The following MTBP variants were observed in gnomAD, a reference collection of about 807,000 sequenced individuals.
MTBP encodes mdm2-binding protein.
In MTBP, 101 loss-of-function variants were observed where a neutral mutation model predicts 117.0. The observed-to-expected ratio is 0.86, with a 90% CI of 0.73 to 1.02. The LOEUF (loss-of-function observed/expected upper bound fraction) is 1.02. MTBP is among the 50% of genes least tolerant of loss of function. The pLI is 0.00. For synonymous variants in MTBP, 350 were observed against 351.5 expected (o/e 1.00, Z 0.05); for missense variants, 970 against 1,030.9 (o/e 0.94, Z 0.81).
chr8:120,474,324 C>T (rs1237037390), intron 11 of MTBP, among the ~76,000 whole-genome samples: 1 of 151,916 alleles, frequency 6.6e-6, no homozygotes, highest in African/African-American at 2.4e-5. Flanking sequence ...TTATTCAGTT[C>T]TATTCTACCC....
At chr8:120,505,344 G>C (rs922216816) in intron 15 of MTBP, among the ~76,000 whole-genome samples, 1 of 151,990 alleles carries the variant, frequency 6.6e-6, no homozygotes, top group East Asian at 1.9e-4. Flanking sequence ...AAATTACAGG[G>C]GCTTTATTCT....
chr8:120,493,540 G>C (rs531074268), intron 13 of MTBP, among the ~76,000 whole-genome samples: 18 of 151,772 alleles, frequency 1.2e-4, no homozygotes, highest in African/African-American at 4.4e-4. Context: ...ACCCAGGCTG[G>C]AGTGCAGTGG....
rs529368940 is a variant in MTBP at position 120,503,954 on chromosome 8, C to T, written c.1727+1345C>T. ...GATGGGTGGAAACTTAGGGTGAGGACAGCTTTGGGGAGAAAAAGTCAAGAA... is the reference window on the plus strand; with the variant it reads ...GATGGGTGGAAACTTAGGGTGAGGATAGCTTTGGGGAGAAAAAGTCAAGAA... On this transcript the variant is annotated intron_variant, in intron 15 of 21. Transcript: ENST00000305949. Among the ~76,000 whole-genome samples the T allele has an allele frequency of 5.3e-5, 8 of 152,124 alleles. No individual in the cohort carries two copies. The South Asian group carries it at 1.7e-3, about 32-fold the overall frequency.
intron 1 of MTBP, 70 bp from the exon 2 acceptor site, chr8:120,446,362 TG>T: frequency 1.1e-6 from 1 of 893,520 alleles, no homozygotes; most frequent in South Asian, 1.3e-5. Flanking sequence ...GAGTCTCTGA[TG>T]GTGAAATTGG....
At chr8:120,514,373 C>T (rs1174176347) in intron 17 of MTBP, among the ~76,000 whole-genome samples, 4 of 152,026 alleles carry the variant, frequency 2.6e-5, no homozygotes, top group Non-Finnish European at 5.9e-5. Flanking sequence ...CCATAACCTT[C>T]CCCATCCCCA....
intron 1 of MTBP, 40 bp from the exon 2 acceptor site, chr8:120,446,393 A>G (rs1813227375): frequency 9.7e-6 from 12 of 1,243,060 alleles, no homozygotes; most frequent in Non-Finnish European, 1.4e-5. Context: ...GATTATGTAA[A>G]TCTAGAGCCC....
intron 11 of MTBP, chr8:120,473,651 A>C (rs899012591): frequency 4.6e-5 from 7 of 152,160 alleles, no homozygotes; most frequent in African/African-American, 1.7e-4. Flanking sequence ...AGACATTATT[A>C]CTGTAACTTA....
rs1814255841 is a variant in MTBP at position 120,488,073 on chromosome 8, A to T, written c.1166-86A>T. 3 of 1,123,562 alleles carry T rather than the reference A, an allele frequency of 2.7e-6. No homozygotes were observed. The South Asian group carries it at 5.8e-5, about 22-fold the overall frequency. The allele number at this position is 1,123,562 out of a possible 1,614,324, so 69.6% of individuals were successfully genotyped here. A position where few individuals can be genotyped will look rare whatever the true frequency, so the allele number is the denominator to read the frequency against. ...TTGTTTTAAAATAACAAAAAATTTTATTATATCCTATGGATCAAATGTATG... is the reference window on the plus strand; with the variant it reads ...TTGTTTTAAAATAACAAAAAATTTTTTTATATCCTATGGATCAAATGTATG... On this transcript the variant is annotated intron_variant, in intron 11 of 21. Coordinates refer to ENST00000305949, the MANE Select transcript of MTBP (RefSeq NM_022045.5).
chr8:120,487,294 G>A (rs890405234), intron 11 of MTBP, among the ~76,000 whole-genome samples: 9 of 152,242 alleles, frequency 5.9e-5, no homozygotes, highest in South Asian at 2.1e-4. Context: ...TCTTGAGGAC[G>A]CGTGTATAAA....
intron 10 of MTBP, among the ~76,000 whole-genome samples, chr8:120,467,014 T>C (rs1813710800): frequency 6.6e-6 from 1 of 152,236 alleles, no homozygotes; most frequent in Non-Finnish European, 1.5e-5. Flanking sequence ...CTCAAGAAAC[T>C]TTCATGGTGC....
intron 4 of MTBP, chr8:120,452,871 C>T (rs1717522254): frequency 1.3e-5 from 2 of 149,768 alleles, no homozygotes; most frequent in Admixed American, 6.7e-5. Context: ...ATAAAAGTTT[C>T]TGATAAGTGA....
chr8:120,459,637 G>A (rs1190052547), intron 8 of MTBP, among the ~76,000 whole-genome samples: 1 of 152,118 alleles, frequency 6.6e-6, no homozygotes, highest in East Asian at 1.9e-4. Context: ...ACTCAGTTTG[G>A]AGAGAATATG....
Position 120,490,544 on chromosome 8 carries a change from A to G in MTBP, c.1421A>G (p.Gln474Arg). Residue 474 changes from glutamine to arginine, a missense_variant, in exon 13 of 22, where the codon CAA (glutamine) becomes CGA (arginine). Coordinates refer to ENST00000305949, the MANE Select transcript of MTBP (RefSeq NM_022045.5). ...AGAGAGAAACAGTTAGCTAATGTTC[A>G]AGTTTTAGCTTTGGAAGAATGCCTA... is the stretch of plus-strand genomic sequence containing the variant. ...VQREKQLANV[Q>R]VLALEECLKR... is the part of the protein sequence containing the mutation. 1 of 1,604,760 alleles carries G rather than the reference A, an allele frequency of 6.2e-7. No homozygotes were observed. Among genetic ancestry groups the G allele is most frequent in the Non-Finnish European group, 8.5e-7 (1 of 1,176,780 alleles).
chr8:120,502,791 C>T (rs561672020), intron 15 of MTBP, among the ~76,000 whole-genome samples, 182 bp downstream of exon 15: 56 of 152,304 alleles, frequency 3.7e-4, no homozygotes, highest in African/African-American at 1.3e-3. Context: ...GGGAAGGGCT[C>T]ATCTTGCTCT....
At chr8:120,511,921 C>T (rs1011863334) in intron 17 of MTBP, among the ~76,000 whole-genome samples, 4 of 152,066 alleles carry the variant, frequency 2.6e-5, no homozygotes, top group African/African-American at 4.8e-5. Context: ...AATATTGACT[C>T]TGCTATGAAG....
rs550870045 is a variant in MTBP, at chr8:120,510,973, A to G, written c.1979+944A>G. On this transcript the variant is annotated intron_variant, in intron 17 of 21. Coordinates refer to ENST00000305949, the MANE Select transcript of MTBP (RefSeq NM_022045.5). Reference sequence around the variant, plus strand: ...TTAGCAGTATGAAGTATAACATTCAATAGTGATTTATTTCTAAAAGAAATC... The same window carrying G: ...TTAGCAGTATGAAGTATAACATTCAGTAGTGATTTATTTCTAAAAGAAATC... Among the ~76,000 whole-genome samples the G allele has an allele frequency of 2.6e-5, 4 of 152,312 alleles. No individual in the cohort carries two copies. The East Asian group carries it at 5.8e-4, about 22-fold the overall frequency.
At chr8:120,451,431 CT>C in intron 4 of MTBP, 109 bp downstream of exon 4, 1 of 949,790 alleles carries the variant, frequency 1.1e-6, no homozygotes, top group Non-Finnish European at 1.5e-6. Context: ...TGAAGAAACT[CT>C]AGTTAATTGA....
intron 16 of MTBP, among the ~76,000 whole-genome samples, chr8:120,507,866 A>G (rs927065948): frequency 1.3e-5 from 2 of 152,150 alleles, no homozygotes; most frequent in Non-Finnish European, 2.9e-5. Context: ...GTAAAGAAAT[A>G]TACATGTTTT....
intron 11 of MTBP, among the ~76,000 whole-genome samples, chr8:120,478,021 A>T (rs1323965757): frequency 6.6e-6 from 1 of 152,252 alleles, no homozygotes; most frequent in Non-Finnish European, 1.5e-5. Context: ...CATCAATGAT[A>T]GACTGGATAA....
Sources: gnomAD v4.1 joint callset for allele counts (sites outside exome capture counted in the v4.1 genomes callset) on GRCh38, gnomAD v4.1.1 for gene constraint, MANE v1.5 for transcripts, NCBI Gene and HGNC (gene_info 2026-07-23, HGNC 2026-07-21) for gene names.